The following IAH1 variants were observed in gnomAD, a reference collection of about 807,000 sequenced individuals.
The protein encoded by IAH1 is isoamyl acetate-hydrolyzing esterase 1 homolog.
A neutral mutation model predicts 26.7 loss-of-function variants in IAH1; 24 were observed. The ratio of observed to expected loss-of-function variants is 0.90; its 90% CI spans 0.65 to 1.26. IAH1 has a LOEUF of 1.26. Ranked by LOEUF, IAH1 falls within the 50% of genes most tolerant of loss-of-function variation. IAH1 has a pLI of 0.00. For missense variants in IAH1, 300 were observed against 299.9 expected, an observed-to-expected ratio of 1.00 and a Z score of 0.00; for synonymous variants, 140 against 118.5, an observed-to-expected ratio of 1.18 and a Z score of -1.18.
downstream of IAH1, among the ~76,000 whole-genome samples, chr2:9,497,964 TAA>T (rs1662731963): frequency 6.6e-6 from 1 of 152,128 alleles, no homozygotes; most frequent in African/African-American, 2.4e-5. Flanking sequence ...TCAAATCTAT[TAA>T]GTTATCTCCA....
intron 5 of IAH1, chr2:9,485,231 T>C (rs1661406809): frequency 6.6e-6 from 1 of 152,260 alleles, no homozygotes; most frequent in Non-Finnish European, 1.5e-5. Context: ...GGGATACTAC[T>C]CGGCAATAAA....
downstream of IAH1, among the ~76,000 whole-genome samples, chr2:9,498,527 G>A (rs1000740160): frequency 2.0e-5 from 3 of 152,204 alleles, no homozygotes; most frequent in African/African-American, 7.2e-5. Context: ...GAAGAATGAA[G>A]CCAATCAAAA....
At chr2:9,493,748 A>G (rs1185937477), downstream of IAH1, 26 of 1,613,272 alleles carry the variant, frequency 1.6e-5, no homozygotes, top group Non-Finnish European at 2.0e-5. Flanking sequence ...ATCACCTACC[A>G]AAAGTATTGA....
At chr2:9,508,757 T>C in the IAH1 span, among the ~76,000 whole-genome samples, 9 of 152,118 alleles carry the variant, frequency 5.9e-5, no homozygotes, top group African/African-American at 1.4e-4. Flanking sequence ...GAAAGTTCTA[T>C]TGGGCAGCAC....
chr2:9,475,878 A>G, intron 1 of IAH1, 109 bp from the exon 2 acceptor site: 1 of 899,788 alleles, frequency 1.1e-6, no homozygotes, highest in Non-Finnish European at 1.8e-6. Context: ...TGAAGCAATC[A>G]AAGCCAAGAA....
At chr2:9,480,070 A>C (rs1423965792) in intron 3 of IAH1, among the ~76,000 whole-genome samples, 3 of 151,726 alleles carry the variant, frequency 2.0e-5, no homozygotes, top group Admixed American at 1.3e-4. Flanking sequence ...CGGCCTCCCA[A>C]AGTGCTAGGA....
chr2:9,489,068 T>A lies in IAH1; in HGVS notation c.*739T>A, dbSNP rs547311197. On this transcript the variant is annotated 3_prime_UTR_variant, in exon 6 of 6. Transcript: ENST00000497473. ...GTCAATAAAAAGGGTTTCTGAAGTA[T>A]CAAGTCTTGTGGGGACAGCCCCCAA... 1 of 152,284 alleles carries A rather than the reference T, an allele frequency of 6.6e-6. No homozygotes were observed. Among genetic ancestry groups the A allele is most frequent in the South Asian group, 2.1e-4 (1 of 4,828 alleles). 9.4% of individuals were successfully genotyped at this position (152,284 alleles called of 1,614,324 possible).
downstream of IAH1, among the ~76,000 whole-genome samples, chr2:9,497,695 A>C (rs925282825): frequency 6.6e-6 from 1 of 152,150 alleles, no homozygotes; most frequent in African/African-American, 2.4e-5. Context: ...ATTAACAGAT[A>C]CTATTCCTTC....
In IAH1 at chr2:9,479,931, C is replaced by T. The variant is rs753213807; in HGVS notation, c.284-1355C>T. 3.3e-5 allele frequency among the ~76,000 whole-genome samples: 5 copies of T among 150,080 alleles called. No homozygotes were observed. In the Admixed American group the frequency reaches 3.4e-4, roughly 10 times the overall value. ...TCAAATGATTCTCCTGCTTCAGCCT[C>T]CCGAGTAGCTGGGATTATAGGCGCT... On this transcript the variant is annotated intron_variant, in intron 3 of 5. Coordinates refer to ENST00000497473, the MANE Select transcript of IAH1 (RefSeq NM_001039613.3).
chr2:9,486,101 A>G (rs188915391), intron 5 of IAH1: 1 of 152,102 alleles, frequency 6.6e-6, no homozygotes, highest in Non-Finnish European at 1.5e-5. Context: ...ATCCATACCA[A>G]TCGTTCCAAT....
chr2:9,491,192 A>AT (rs764325373), downstream of IAH1: 30 of 1,571,900 alleles, frequency 1.9e-5, no homozygotes, highest in African/African-American at 3.7e-4. Context: ...TACAAATACA[A>AT]TTCAGTTAGT....
At chr2:9,491,980 CCTTCAGCTTT>C (rs1431448859), downstream of IAH1, among the ~76,000 whole-genome samples, 2 of 152,346 alleles carry the variant, frequency 1.3e-5, no homozygotes, top group East Asian at 3.9e-4. Context: ...AAGCACGTCA[CCTTCAGCTTT>C]CTTCAGCACA....
rs1188331121 is a variant in IAH1 at position 9,489,701 on chromosome 2, A to T, written c.*1372A>T. On this transcript the variant is annotated 3_prime_UTR_variant, in exon 6 of 6. Transcript: ENST00000497473. ...TTTAGAGACAATGTATACTAGATTT[A>T]TCTCCTTTGTTTTTAGTTGAAGGCA... is the stretch of plus-strand genomic sequence containing the variant. 1 of 138,942 alleles carries T rather than the reference A, an allele frequency of 7.2e-6. No homozygotes were observed. Among genetic ancestry groups the T allele is most frequent in the Non-Finnish European group, 1.5e-5 (1 of 65,458 alleles). The allele number at this position is 138,942 out of a possible 1,614,324, so 8.6% of individuals were successfully genotyped here.
intron 5 of IAH1, chr2:9,486,829 C>CA (rs57303971): frequency 0.015 from 1,653 of 112,698 alleles, 13 homozygotes; most frequent in African/African-American, 0.04. Context: ...GACTCTAGCT[C>CA]AAAAAAAAAA....
At chr2:9,500,106 G>A (rs1393487059), downstream of IAH1, among the ~76,000 whole-genome samples, 3 of 152,126 alleles carry the variant, frequency 2.0e-5, no homozygotes, top group Admixed American at 6.5e-5. Context: ...AATGTTCACA[G>A]CAGCATTATT....
chr2:9,509,567 CTA>C, the IAH1 span, among the ~76,000 whole-genome samples: 1 of 152,170 alleles, frequency 6.6e-6, no homozygotes, highest in African/African-American at 2.4e-5. Context: ...GTCAGGCAAA[CTA>C]TGTGTTTAAC....
the IAH1 span, chr2:9,512,395 C>T: frequency 6.6e-6 from 1 of 152,098 alleles, no homozygotes; most frequent in African/African-American, 2.4e-5. Flanking sequence ...AAAGTAAAAG[C>T]GTGAGCTACT....
intron 3 of IAH1, among the ~76,000 whole-genome samples, chr2:9,480,099 G>A (rs193077407): frequency 9.9e-4 from 151 of 152,134 alleles, no homozygotes; most frequent in Admixed American, 1.8e-3. Flanking sequence ...ATGAGCAACC[G>A]CACCTGGCCG....
At chr2:9,494,918 A>G in intron 6 of IAH1, 1 of 898,262 alleles carries the variant, frequency 1.1e-6, no homozygotes, top group Non-Finnish European at 1.6e-6. Context: ...AGCCCCCACC[A>G]AGGAGTAGTT....
Sources: allele counts gnomAD v4.1 joint callset (sites outside exome capture counted in the v4.1 genomes callset), GRCh38; gene constraint gnomAD v4.1.1; transcripts MANE v1.5; gene names NCBI Gene and HGNC (gene_info 2026-07-23, HGNC 2026-07-21).